SLC9A9: variants seen among roughly 807,000 people sequenced by gnomAD.
The protein encoded by SLC9A9 is sodium/hydrogen exchanger 9.
In SLC9A9, 62 loss-of-function variants were observed where a neutral mutation model predicts 77.8. That is an observed-to-expected ratio of 0.80 (90% confidence interval 0.65 to 0.98). The LOEUF (loss-of-function observed/expected upper bound fraction) is 0.98. Ranked by LOEUF, SLC9A9 falls within the 50% of genes least tolerant of loss-of-function variation. The pLI is 0.00. For missense variants in SLC9A9, 775 were observed against 774.9 expected, an observed-to-expected ratio of 1.00 and a Z score of 0.00; for synonymous variants, 320 against 283.5, an observed-to-expected ratio of 1.13 and a Z score of -1.29.
chr3:143,382,204 G>A (rs2033321752), intron 12 of SLC9A9, 90 bp from the exon 13 acceptor site: 4 of 1,329,496 alleles, frequency 3.0e-6, no homozygotes, highest in Non-Finnish European at 4.3e-6. Flanking sequence ...CAAACACAAT[G>A]TGAATCTGAG....
intron 4 of SLC9A9, among the ~76,000 whole-genome samples, chr3:143,794,198 G>A (rs1447281267): frequency 6.6e-6 from 1 of 152,176 alleles, no homozygotes; most frequent in East Asian, 1.9e-4. Context: ...TGAACCGTGT[G>A]TATTTTTAGC....
At chr3:143,311,120 T>G (rs553028560) in intron 14 of SLC9A9, among the ~76,000 whole-genome samples, 1 of 152,322 alleles carries the variant, frequency 6.6e-6, no homozygotes, top group South Asian at 2.1e-4. Flanking sequence ...GAGATAGTGG[T>G]CTTTTCTTTA....
chr3:143,547,229 C>A (rs1436259609), intron 9 of SLC9A9, among the ~76,000 whole-genome samples: 1 of 152,162 alleles, frequency 6.6e-6, no homozygotes, highest in Non-Finnish European at 1.5e-5. Flanking sequence ...TCATCCAGTA[C>A]CATGTTCTCA....
At chr3:143,317,057 TAATCGTTGACCATGATTA>T (rs2031238499) in intron 14 of SLC9A9, among the ~76,000 whole-genome samples, 1 of 152,124 alleles carries the variant, frequency 6.6e-6, no homozygotes, top group South Asian at 2.1e-4. Context: ...CAGCACTCAA[TAATCGTTGACCATGATTA>T]CTAACACAGA....
intron 12 of SLC9A9, 133 bp from the exon 13 acceptor site, chr3:143,382,247 C>T: frequency 1.1e-6 from 1 of 930,762 alleles, no homozygotes; most frequent in Non-Finnish European, 1.8e-6. Flanking sequence ...CCTACGTCTT[C>T]TTGAATCAAA....
intron 4 of SLC9A9, among the ~76,000 whole-genome samples, chr3:143,792,194 T>G (rs2008245654): frequency 6.6e-6 from 1 of 152,188 alleles, no homozygotes; most frequent in Non-Finnish European, 1.5e-5. Context: ...TATCAAGCAC[T>G]CCATAAATTG....
chr3:143,429,109 C>T (rs2034460192), intron 12 of SLC9A9, among the ~76,000 whole-genome samples: 1 of 152,142 alleles, frequency 6.6e-6, no homozygotes. Flanking sequence ...CTGATTTGAT[C>T]ACGATACTAT....
At chr3:143,277,563 A>C (rs183917154) in intron 14 of SLC9A9, among the ~76,000 whole-genome samples, 3 of 152,354 alleles carry the variant, frequency 2.0e-5, no homozygotes, top group Admixed American at 2.0e-4. Context: ...ACACAGATCA[A>C]AAGATTTCCA....
intron 9 of SLC9A9, chr3:143,504,013 C>T: frequency 2.2e-6 from 1 of 459,164 alleles, no homozygotes; most frequent in Non-Finnish European, 4.2e-6. Context: ...AGCATCGCCC[C>T]ATTTGACTGG....
At chr3:143,363,440 C>T (rs746523027) in intron 14 of SLC9A9, 44 bp downstream of exon 14, 1 of 1,567,614 alleles carries the variant, frequency 6.4e-7, no homozygotes, top group Non-Finnish European at 8.8e-7. Context: ...AAGTAATTCT[C>T]TGCCTGCAGC....
intron 12 of SLC9A9, among the ~76,000 whole-genome samples, chr3:143,385,936 C>T (rs2033413364): frequency 6.6e-6 from 1 of 152,136 alleles, no homozygotes; most frequent in African/African-American, 2.4e-5. Context: ...AATAATCTGC[C>T]AGTTTCTCTC....
intron 4 of SLC9A9, among the ~76,000 whole-genome samples, chr3:143,783,540 G>T (rs755708225): frequency 1.1e-4 from 17 of 152,158 alleles, no homozygotes; most frequent in Non-Finnish European, 2.1e-4. Flanking sequence ...GGTAAAGTAT[G>T]GAATATTCAC....
In SLC9A9 at chr3:143,609,478, G is replaced by A. The variant is rs115133910; in HGVS notation, c.756-30755C>T. ...GCAAGCTAGGAATGTTGTAGCTATT[G>A]ATTTTAAATAAAATTTTATCAATCA... On this transcript the variant is annotated intron_variant, in intron 6 of 15. Transcript: ENST00000316549. Among the ~76,000 whole-genome samples the A allele has an allele frequency of 7.6e-3, 1,150 of 152,220 alleles. 14 individuals carry two copies. Among genetic ancestry groups the A allele is most frequent in the African/African-American group, 0.027 (1,104 of 41,542 alleles).
intron 12 of SLC9A9, among the ~76,000 whole-genome samples, chr3:143,456,880 A>G (rs1232537940): frequency 6.6e-6 from 1 of 152,186 alleles, no homozygotes; most frequent in Non-Finnish European, 1.5e-5. Context: ...TATTTTTAAT[A>G]GATACAGGAT....
chr3:143,508,162 G>C (rs2036058614), intron 9 of SLC9A9, among the ~76,000 whole-genome samples: 1 of 152,124 alleles, frequency 6.6e-6, no homozygotes, highest in Non-Finnish European at 1.5e-5. Flanking sequence ...AACTGTTTAA[G>C]ACATGACTGA....
chr3:143,361,513 A>G (rs552183274), intron 14 of SLC9A9, among the ~76,000 whole-genome samples: 77 of 152,338 alleles, frequency 5.1e-4, no homozygotes, highest in Non-Finnish European at 8.7e-4. Flanking sequence ...CAGATATATT[A>G]AGAGGCCACA....
intron 2 of SLC9A9, chr3:143,811,832 A>G (rs2008874371): frequency 2.7e-6 from 1 of 376,302 alleles, no homozygotes; most frequent in Non-Finnish European, 5.2e-6. Flanking sequence ...ACCACACTCC[A>G]GGCTGGGTGA....
chr3:143,495,572 G>A (rs889852753), intron 9 of SLC9A9, 124 bp from the exon 10 acceptor site: 18 of 725,412 alleles, frequency 2.5e-5, no homozygotes, highest in Admixed American at 1.1e-4. Flanking sequence ...CCCTTTGGCC[G>A]TGTGCTTAGC....
chr3:143,807,163 G>T (rs2008741649), intron 2 of SLC9A9, among the ~76,000 whole-genome samples: 2 of 152,192 alleles, frequency 1.3e-5, no homozygotes, highest in Non-Finnish European at 2.9e-5. Flanking sequence ...TTGTGTGTAG[G>T]CTGGGCACAG....
Sources: gnomAD v4.1 joint callset for allele counts (sites outside exome capture counted in the v4.1 genomes callset) on GRCh38, gnomAD v4.1.1 for gene constraint, MANE v1.5 for transcripts, NCBI Gene and HGNC (gene_info 2026-07-23, HGNC 2026-07-21) for gene names.